FCHO2: variants seen among roughly 807,000 people sequenced by gnomAD.
FCHO2 encodes F-BAR domain only protein 2.
A neutral mutation model predicts 114.1 loss-of-function variants in FCHO2; 43 were observed. The observed-to-expected ratio is 0.38, with a 90% CI of 0.30 to 0.49. FCHO2 has a LOEUF of 0.49. FCHO2 is among the 20% of genes least tolerant of loss of function. FCHO2 has a pLI of 0.97. For synonymous variants in FCHO2, 293 were observed against 315.2 expected, an observed-to-expected ratio of 0.93 and a Z score of 0.75; for missense variants, 807 against 950.4, an observed-to-expected ratio of 0.85 and a Z score of 1.98.
chr5:72,968,595 T>G lies in FCHO2; in HGVS notation c.125+6T>G, dbSNP rs1752333500. 1 of 1,501,302 alleles carries G rather than the reference T, an allele frequency of 6.7e-7. No individual in the cohort carries two copies. The highest frequency in any genetic ancestry group is 2.7e-5 in the Admixed American group (1 of 36,832). The allele number at this position is 1,501,302 out of a possible 1,614,324, so 93.0% of individuals were successfully genotyped here. On this transcript the variant is annotated splice_donor_region_variant and intron_variant, in intron 2 of 25. Transcript: ENST00000430046. ...GCAGATTTTGTAAGGGAACGGTATG[T>G]ATTTTTTAAATAAGTAATTTGTTTA...
At chr5:72,977,692 C>CTA (rs1164180905) in intron 2 of FCHO2, among the ~76,000 whole-genome samples, 28 of 152,138 alleles carry the variant, frequency 1.8e-4, no homozygotes, top group African/African-American at 6.5e-4. Context: ...AAGTCTTTGC[C>CTA]TATGCCTATG....
intron 8 of FCHO2, among the ~76,000 whole-genome samples, chr5:73,032,438 A>T (rs1320621761): frequency 3.3e-5 from 5 of 152,306 alleles, no homozygotes; most frequent in African/African-American, 1.2e-4. Context: ...TAGAAAACAT[A>T]AGAGAAATCA....
At chr5:73,082,867 T>C in intron 24 of FCHO2, 42 bp downstream of exon 24, 1 of 1,479,140 alleles carries the variant, frequency 6.8e-7, no homozygotes. Flanking sequence ...ATGATGTCAC[T>C]GAAAATTGAT....
At chr5:72,989,545 GTTC>G in intron 3 of FCHO2, 44 bp downstream of exon 3, 1 of 1,500,104 alleles carries the variant, frequency 6.7e-7, no homozygotes, top group Non-Finnish European at 9.1e-7. Context: ...TTTAGGCAAA[GTTC>G]TTAAGGATTC....
chr5:73,005,450 A>G (rs535342814), intron 5 of FCHO2, among the ~76,000 whole-genome samples: 119 of 152,200 alleles, frequency 7.8e-4, no homozygotes, highest in South Asian at 1.5e-3. Context: ...TAAGCTCCCA[A>G]CCTACCCTAC....
chr5:72,988,597 T>C (rs1414768338), intron 2 of FCHO2, among the ~76,000 whole-genome samples: 1 of 152,210 alleles, frequency 6.6e-6, no homozygotes, highest in African/African-American at 2.4e-5. Context: ...CACAGTTTTC[T>C]AGTGTGAAAT....
At chr5:73,033,038 A>C (rs754485588) in intron 8 of FCHO2, among the ~76,000 whole-genome samples, 26 of 152,116 alleles carry the variant, frequency 1.7e-4, no homozygotes, top group Non-Finnish European at 2.6e-4. Flanking sequence ...CCTTCATCTC[A>C]TTGTAAATTG....
intron 1 of FCHO2, among the ~76,000 whole-genome samples, chr5:72,967,755 G>A (rs1342428013): frequency 6.6e-6 from 1 of 152,012 alleles, no homozygotes; most frequent in Non-Finnish European, 1.5e-5. Context: ...AAGTAGCTGG[G>A]ATTATGGGTG....
chr5:73,055,899 A>C (rs1219712516), intron 15 of FCHO2, among the ~76,000 whole-genome samples, 166 bp from the exon 16 acceptor site: 1 of 152,144 alleles, frequency 6.6e-6, no homozygotes, highest in Non-Finnish European at 1.5e-5. Context: ...CAGTTATTTT[A>C]ATGTACACAA....
At chr5:73,042,923 T>C (rs1047686467) in intron 11 of FCHO2, among the ~76,000 whole-genome samples, 15 of 152,280 alleles carry the variant, frequency 9.9e-5, no homozygotes, top group African/African-American at 3.4e-4. Context: ...TTCTTTTCAA[T>C]TTAATTTTTT....
rs113928792 is a variant in FCHO2, at chr5:72,989,705, A to C, written c.200+204A>C. 7.7e-3 allele frequency among the ~76,000 whole-genome samples: 1,172 copies of C among 152,266 alleles called. 13 individuals are homozygous for C. Among genetic ancestry groups the C allele is most frequent in the African/African-American group, 0.027 (1,123 of 41,568 alleles). Reference sequence around the variant, plus strand: ...AGTCAATGCAGTCAAAACTAAATGAAATTTATTTTTTCCCTTTTTAAAAAC... The same window carrying C: ...AGTCAATGCAGTCAAAACTAAATGACATTTATTTTTTCCCTTTTTAAAAAC... On this transcript the variant is annotated intron_variant, in intron 3 of 25. Coordinates refer to ENST00000430046, the MANE Select transcript of FCHO2 (RefSeq NM_138782.3).
At chr5:72,982,826 ATTTTTTTT>A (rs36075860) in intron 2 of FCHO2, among the ~76,000 whole-genome samples, 1 of 108,176 alleles carries the variant, frequency 9.2e-6, no homozygotes, top group Admixed American at 9.4e-5. Context: ...GTCTGGATTC[ATTTTTTTT>A]TTTTTTTTTT....
intron 17 of FCHO2, among the ~76,000 whole-genome samples, chr5:73,058,933 C>G (rs1224497218): frequency 6.6e-6 from 1 of 152,018 alleles, no homozygotes; most frequent in Admixed American, 6.6e-5. Context: ...TCATAATATG[C>G]TTGTAGTAAT....
intron 2 of FCHO2, among the ~76,000 whole-genome samples, chr5:72,978,030 T>G (rs778686544): frequency 6.6e-6 from 1 of 152,070 alleles, no homozygotes; most frequent in Non-Finnish European, 1.5e-5. Context: ...AGCATTGTAG[T>G]GTAGTTTGAA....
intron 2 of FCHO2, among the ~76,000 whole-genome samples, chr5:72,988,780 T>C (rs1442540522): frequency 6.7e-6 from 1 of 150,130 alleles, no homozygotes; most frequent in Non-Finnish European, 1.5e-5. Context: ...AACAAAGAAT[T>C]ATTAAATACA....
intron 11 of FCHO2, among the ~76,000 whole-genome samples, chr5:73,042,730 T>A (rs1301229881): frequency 6.6e-6 from 1 of 152,190 alleles, no homozygotes; most frequent in Non-Finnish European, 1.5e-5. Flanking sequence ...TTATAAAGTT[T>A]ATATGCAAAT....
chr5:73,018,871 T>C (rs981093768), intron 8 of FCHO2, among the ~76,000 whole-genome samples: 3 of 152,192 alleles, frequency 2.0e-5, no homozygotes, highest in African/African-American at 4.8e-5. Flanking sequence ...TAAATAATTA[T>C]GTACACATCT....
Position 73,082,745 on chromosome 5 carries a change from T to C in FCHO2, c.2181-16T>C, listed in dbSNP as rs548094076. On this transcript the variant is annotated splice_polypyrimidine_tract_variant and intron_variant, in intron 23 of 25. Transcript: ENST00000430046. ...ATACTAGACACAAAACCTGAAGATA[T>C]CTGTTCTTATTGCAGGAATGCAGAA... is the stretch of plus-strand genomic sequence containing the variant. 22 of 1,595,954 alleles carry C rather than the reference T, an allele frequency of 1.4e-5. No individual in the cohort carries two copies. Among genetic ancestry groups the C allele is most frequent in the East Asian group, 6.7e-5 (3 of 44,502 alleles).
chr5:73,083,058 T>G lies in FCHO2; in HGVS notation c.2245+233T>G, dbSNP rs567284247. On this transcript the variant is annotated intron_variant, in intron 24 of 25. Transcript: ENST00000430046. ...CCAACTAATTTTTGTTTGTTTGTTT[T>G]TTTTTTTAGTAGAAACAGGGTTTCA... Among the ~76,000 whole-genome samples the G allele has an allele frequency of 2.1e-3, 316 of 151,944 alleles. 1 individual carries two copies. Among genetic ancestry groups the G allele is most frequent in the Non-Finnish European group, 2.9e-3 (196 of 67,912 alleles).
Sources: gnomAD v4.1 joint callset for allele counts (sites outside exome capture counted in the v4.1 genomes callset) on GRCh38, gnomAD v4.1.1 for gene constraint, MANE v1.5 for transcripts, NCBI Gene and HGNC (gene_info 2026-07-23, HGNC 2026-07-21) for gene names.